Variants in NBPF3 observed in about 807,000 individuals in gnomAD.
NBPF3 encodes NBPF member 3.
Under a neutral mutation model 78.1 loss-of-function variants are expected in NBPF3, and 57 were observed. The ratio of observed to expected loss-of-function variants is 0.73; its 90% CI spans 0.59 to 0.91. The LOEUF (loss-of-function observed/expected upper bound fraction) is 0.91, where lower values mean the gene tolerates loss of function less well. Ranked by LOEUF, NBPF3 falls within the 40% of genes least tolerant of loss-of-function variation. The pLI is 0.00. For missense variants in NBPF3, 510 were observed against 715.3 expected (o/e 0.71, Z 3.27); for synonymous variants, 182 against 271.7 (o/e 0.67, Z 3.25).
upstream of NBPF3, among the ~76,000 whole-genome samples, chr1:21,438,003 A>G (rs1001168703): frequency 2.0e-4 from 31 of 151,922 alleles, no homozygotes; most frequent in African/African-American, 6.3e-4. Flanking sequence ...TAGTTTTAGT[A>G]GAGATGGGGT....
chr1:21,471,829 A>G (rs1642615712), intron 5 of NBPF3, 46 bp downstream of exon 5: 1 of 1,600,092 alleles, frequency 6.2e-7, no homozygotes, highest in East Asian at 2.2e-5. Flanking sequence ...CAGGCTTATG[A>G]GAGACTTCAG....
At position 21,445,080 on chromosome 1, in the gene NBPF3, A is replaced by G. The variant is rs1478369606; in HGVS notation, c.-7A>G. On this transcript the variant is annotated 5_prime_UTR_variant, in exon 2 of 15. Transcript: ENST00000318249. ...AGTGCTGTGTGCTCTTGGCCTCCAC[A>G]CTGGGGATGCCACTGACTCCCACTG... 6.2e-7 allele frequency: 1 copy of G among 1,610,454 alleles called. No homozygotes were observed. Among genetic ancestry groups the G allele is most frequent in the Admixed American group, 1.7e-5 (1 of 59,862 alleles).
chr1:21,473,514 A>G lies in NBPF3; in HGVS notation c.869A>G (p.Asp290Gly), dbSNP rs200424283. Residue 290 changes from aspartate (D) to glycine (G), a missense_variant, in exon 7 of 15, where the codon GAC becomes GGC. Asp to Gly is a moderately conservative substitution (Grantham distance 94, BLOSUM62 -1). Coordinates refer to ENST00000318249, the MANE Select transcript of NBPF3 (RefSeq NM_032264.6). ...AACACCAGAATCACATTTGAGGAAG[A>G]CCAAGTCGACTCAACTCTCATTGAC... ...YGNTRITFEE[D>G]QVDSTLIDSS... 6.2e-7 allele frequency: 1 copy of G among 1,614,196 alleles called. No individual in the cohort carries two copies. Among genetic ancestry groups the G allele is most frequent in the Non-Finnish European group, 8.5e-7 (1 of 1,180,042 alleles).
chr1:21,443,765 C>G (rs1041327476), intron 1 of NBPF3, among the ~76,000 whole-genome samples: 9 of 152,052 alleles, frequency 5.9e-5, no homozygotes, highest in African/African-American at 2.2e-4. Context: ...AGGCATGCAC[C>G]ACTATGCCTG....
intron 2 of NBPF3, among the ~76,000 whole-genome samples, chr1:21,464,703 A>G (rs67459787): frequency 6.6e-6 from 1 of 151,620 alleles, no homozygotes; most frequent in East Asian, 1.9e-4. Context: ...TTAAAAAAAA[A>G]AAAGAAAGTA....
rs1192673229 is a variant in NBPF3 at position 21,468,790 on chromosome 1, A to G, written c.236A>G (p.Lys79Arg). 1.2e-6 allele frequency: 2 copies of G among 1,614,108 alleles called. No homozygotes were observed. The highest frequency in any genetic ancestry group is 2.2e-5 in the South Asian group (2 of 91,076). ...ATGAACATTCTAGAAATCAACAAGA[A>G]ATCGCGCCCCCAGCTGGCAGAGAAC... ...AEMNILEINK[K>R]SRPQLAENKQ... is the part of the protein sequence containing the mutation. Residue 79 changes from lysine (K) to arginine (R), a missense_variant, in exon 3 of 15, where the codon AAA (lysine) becomes AGA (arginine). By Grantham distance (26) the Lys-to-Arg change is conservative. Around this residue, in one of 5 missense-constraint regions of NBPF3, gnomAD observed 440 missense variants for 478.2 expected, o/e 0.92. Transcript: ENST00000318249.
intron 2 of NBPF3, among the ~76,000 whole-genome samples, chr1:21,463,763 C>T (rs900853480): frequency 5.9e-5 from 9 of 152,046 alleles, no homozygotes; most frequent in African/African-American, 1.7e-4. Flanking sequence ...GAGCAATAAA[C>T]GACAACCACA....
rs532286535 is a variant in NBPF3, at chr1:21,476,746, T to TA, written c.993-1397dup. ...TTTCAACCTTGGTGAATCTGACAATTATGTGTCTTGGAGTTGCTCTTCTCG... is the reference window on the plus strand; with the variant it reads ...TTTCAACCTTGGTGAATCTGACAATTAATGTGTCTTGGAGTTGCTCTTCTCG... On this transcript the variant is annotated intron_variant, in intron 8 of 14. Transcript: ENST00000318249. The surrounding 1 kb of genome is among the most constrained non-coding windows in gnomAD (Gnocchi z 4.1). Among the ~76,000 whole-genome samples, 260 of 152,292 alleles carry TA rather than the reference T, an allele frequency of 1.7e-3. 1 individual carries two copies. Among genetic ancestry groups the TA allele is most frequent in the Non-Finnish European group, 2.5e-3 (173 of 68,016 alleles).
At chr1:21,478,986 T>C (rs1270279378) in intron 9 of NBPF3, among the ~76,000 whole-genome samples, 1 of 152,250 alleles carries the variant, frequency 6.6e-6, no homozygotes, top group Non-Finnish European at 1.5e-5. Flanking sequence ...TCTCATAAAC[T>C]ATCAAATCTG....
intron 2 of NBPF3, among the ~76,000 whole-genome samples, chr1:21,464,776 G>T (rs1296906099): frequency 6.6e-6 from 1 of 151,972 alleles, no homozygotes; most frequent in Non-Finnish European, 1.5e-5. Flanking sequence ...TGGAGAACTA[G>T]GTGGAAGGAT....
intron 4 of NBPF3, 129 bp downstream of exon 4, chr1:21,470,863 G>A (rs1642549378): frequency 3.5e-6 from 2 of 570,800 alleles, no homozygotes; most frequent in South Asian, 1.8e-5. Flanking sequence ...GCAGGCTCAC[G>A]ACACACAAAG....
At chr1:21,465,441 C>G (rs201230594) in intron 2 of NBPF3, among the ~76,000 whole-genome samples, 1 of 151,928 alleles carries the variant, frequency 6.6e-6, no homozygotes, top group Non-Finnish European at 1.5e-5. Flanking sequence ...CTTTGATCAA[C>G]TTGGGGGTGG....
intron 2 of NBPF3, among the ~76,000 whole-genome samples, chr1:21,446,860 T>C (rs1020648250): frequency 1.3e-5 from 2 of 152,000 alleles, no homozygotes; most frequent in Non-Finnish European, 2.9e-5. Flanking sequence ...ACCCAGATGG[T>C]TTTTACCTCT....
rs1265277308 is a variant in NBPF3, at chr1:21,473,415, A to C, written c.770A>C (p.Glu257Ala). 6.2e-7 allele frequency: 1 copy of C among 1,614,090 alleles called. No individual in the cohort carries two copies. Among genetic ancestry groups the C allele is most frequent in the Non-Finnish European group, 8.5e-7 (1 of 1,180,042 alleles). The change falls in exon 7 of 15, where the codon GAG becomes GCG. Residue 257 changes from glutamate (E) to alanine (A), a missense_variant. By Grantham distance (107) the Glu-to-Ala change is moderately radical. This residue lies in a region of NBPF3 where 440 missense variants were observed against 478.2 expected (regional missense o/e 0.92). Coordinates refer to ENST00000318249, the MANE Select transcript of NBPF3 (RefSeq NM_032264.6). The part of the protein sequence containing the change: ...VQKAEEKEVP[E>A]DSLEECAITC... ...AAGGCTGAAGAAAAGGAAGTCCCTGAGGACTCACTGGAGGAGTGTGCCATC... is the reference window on the plus strand; with the variant it reads ...AAGGCTGAAGAAAAGGAAGTCCCTGCGGACTCACTGGAGGAGTGTGCCATC...
intron 9 of NBPF3, 107 bp from the exon 10 acceptor site, chr1:21,479,242 C>T (rs1337613167): frequency 1.7e-6 from 2 of 1,209,082 alleles, no homozygotes; most frequent in Non-Finnish European, 2.4e-6. Flanking sequence ...CTCCTATTCT[C>T]ACACTGAGAA....
chr1:21,471,566 T>C lies in NBPF3; in HGVS notation c.447-3T>C, dbSNP rs764867023. On this transcript the variant is annotated splice_region_variant and splice_polypyrimidine_tract_variant and intron_variant, in intron 4 of 14. Transcript: ENST00000318249. ...TTAAATTTTCTCTACTATCTCACCT[T>C]AGGCAATATAAAGTCCTGGTTCACT... 6.2e-7 allele frequency: 1 copy of C among 1,611,678 alleles called. No homozygotes were observed. Among genetic ancestry groups the C allele is most frequent in the African/African-American group, 1.3e-5 (1 of 74,768 alleles).
intron 8 of NBPF3, among the ~76,000 whole-genome samples, chr1:21,477,759 A>T (rs910274164): frequency 6.6e-6 from 1 of 152,350 alleles, no homozygotes; most frequent in East Asian, 1.9e-4. Flanking sequence ...AATACACAAG[A>T]TCTGTGTCTG....
chr1:21,457,167 CGTGT>C (rs56310866), intron 2 of NBPF3, among the ~76,000 whole-genome samples: 9 of 149,788 alleles, frequency 6.0e-5, no homozygotes, highest in South Asian at 2.1e-4. Flanking sequence ...TGGTGGCTCA[CGTGT>C]GTGTGTGTGT....
At chr1:21,479,848 GTGTGTA>G (rs1553398400) in intron 10 of NBPF3, among the ~76,000 whole-genome samples, 197 bp from the exon 11 acceptor site, 2 of 121,784 alleles carry the variant, frequency 1.6e-5, no homozygotes, top group Admixed American at 8.8e-5. Context: ...GTGTGTGTGT[GTGTGTA>G]TGTGTATGTC....
Sources: gnomAD v4.1 joint callset for allele counts (sites outside exome capture counted in the v4.1 genomes callset) on GRCh38, gnomAD v4.1.1 for gene constraint, gnomAD v4.1.1 regional missense constraint, Gnocchi (gnomAD v3.1) non-coding constraint, MANE v1.5 for transcripts, NCBI Gene and HGNC (gene_info 2026-07-23, HGNC 2026-07-21) for gene names.